Variants in BAHD1 observed in about 807,000 individuals in gnomAD.
The protein encoded by BAHD1 is bromo adjacent homology domain containing 1.
BAHD1 carries 20 observed loss-of-function variants against 63.1 expected under a neutral mutation model. That is an observed-to-expected ratio of 0.32 (90% confidence interval 0.22 to 0.46). The LOEUF is 0.46. BAHD1 is among the 20% of genes least tolerant of loss of function. The pLI is 1.00. For missense variants in BAHD1, 939 were observed against 1,071.8 expected (o/e 0.88, Z 1.73); for synonymous variants, 408 against 426.8 (o/e 0.96, Z 0.54).
intron 1 of BAHD1, chr15:40,453,604 G>A (rs1260681313): frequency 6.6e-6 from 1 of 152,122 alleles, no homozygotes; most frequent in East Asian, 1.9e-4. Context: ...CCCTCACCCA[G>A]ATGACCTGAT....
chr15:40,456,597 G>A (rs1167132636), intron 1 of BAHD1, among the ~76,000 whole-genome samples: 2 of 152,244 alleles, frequency 1.3e-5, no homozygotes, highest in East Asian at 3.8e-4. Context: ...AATTAATGCA[G>A]CATATCTCTG....
chr15:40,444,824 T>C (rs1566958127), intron 1 of BAHD1, among the ~76,000 whole-genome samples: 2 of 152,110 alleles, frequency 1.3e-5, no homozygotes, highest in Admixed American at 6.5e-5. Flanking sequence ...TGAAAAAATA[T>C]ATTCTGCATC....
At chr15:40,463,780 G>A (rs1894120398) in intron 3 of BAHD1, 81 bp from the exon 4 acceptor site, 24 of 1,497,240 alleles carry the variant, frequency 1.6e-5, no homozygotes, top group Non-Finnish European at 2.1e-5. Flanking sequence ...GGAAATCGTG[G>A]AAAGGATGTC....
intron 4 of BAHD1, 23 bp downstream of exon 4, chr15:40,464,043 A>T: frequency 1.2e-6 from 2 of 1,612,388 alleles, no homozygotes; most frequent in South Asian, 2.2e-5. Flanking sequence ...CTGGCTGGGG[A>T]CCCAAGGGGC....
chr15:40,449,883 G>A (rs1459866826), intron 1 of BAHD1, among the ~76,000 whole-genome samples: 1 of 151,110 alleles, frequency 6.6e-6, no homozygotes, highest in African/African-American at 2.4e-5. Flanking sequence ...GAAAATACAA[G>A]AGATTTCCTA....
At chr15:40,460,016 G>A in intron 2 of BAHD1, 120 bp downstream of exon 2, 1 of 1,289,754 alleles carries the variant, frequency 7.8e-7, no homozygotes, top group South Asian at 1.6e-5. Context: ...TGGAAGGTAG[G>A]GGGCTTTCAG....
rs919236194 is a variant in BAHD1 at position 40,464,680 on chromosome 15, G to C, written c.2052+133G>C. 8.5e-5 allele frequency: 60 copies of C among 705,934 alleles called. No homozygotes were observed. The Admixed American group carries it at 1.4e-3, about 16-fold the overall frequency. 43.7% of individuals were successfully genotyped at this position (705,934 alleles called of 1,614,324 possible). ...TGCGCTTGTCACTTTGGACTCCAGAGAACCTGGGAAAGGGCCCAGGATTTA... is the reference window on the plus strand; with the variant it reads ...TGCGCTTGTCACTTTGGACTCCAGACAACCTGGGAAAGGGCCCAGGATTTA... On this transcript the variant is annotated intron_variant, in intron 5 of 6. Coordinates refer to ENST00000416165, the MANE Select transcript of BAHD1 (RefSeq NM_014952.5).
chr15:40,447,813 G>GTA (rs1893586421), intron 1 of BAHD1, among the ~76,000 whole-genome samples: 1 of 152,108 alleles, frequency 6.6e-6, no homozygotes, highest in Non-Finnish European at 1.5e-5. Flanking sequence ...GAGACAAGAG[G>GTA]TATTGGGTAG....
chr15:40,455,282 G>A (rs943967921), intron 1 of BAHD1, among the ~76,000 whole-genome samples: 3 of 152,190 alleles, frequency 2.0e-5, no homozygotes, highest in African/African-American at 4.8e-5. Context: ...TCCTGGGATC[G>A]TCAGCACCCT....
chr15:40,440,292 C>T (rs1395315666), upstream of BAHD1, among the ~76,000 whole-genome samples: 1 of 152,176 alleles, frequency 6.6e-6, no homozygotes, highest in Middle Eastern at 3.4e-3. Context: ...GGAAAGGAGA[C>T]GTGGCAGGCA....
At chr15:40,450,925 G>T (rs539672889) in intron 1 of BAHD1, among the ~76,000 whole-genome samples, 3 of 152,182 alleles carry the variant, frequency 2.0e-5, no homozygotes, top group African/African-American at 7.2e-5. Flanking sequence ...ATCCCTTGAG[G>T]TCAGGAGTTT....
intron 2 of BAHD1, among the ~76,000 whole-genome samples, chr15:40,461,678 A>G (rs892213029): frequency 2.6e-5 from 4 of 152,170 alleles, no homozygotes; most frequent in South Asian, 2.1e-4. Flanking sequence ...GGATGTTCCA[A>G]CCACCTCTCT....
intron 2 of BAHD1, among the ~76,000 whole-genome samples, chr15:40,461,670 A>T (rs1224155711): frequency 1.3e-5 from 2 of 151,872 alleles, no homozygotes; most frequent in Non-Finnish European, 2.9e-5. Flanking sequence ...GTTAAAAAGG[A>T]TGTTCCAACC....
chr15:40,441,484 C>T (rs930446759), intron 1 of BAHD1, among the ~76,000 whole-genome samples: 4 of 151,116 alleles, frequency 2.6e-5, no homozygotes, highest in Non-Finnish European at 4.4e-5. Context: ...CACCTCCCTC[C>T]CCTGGGTCCG....
At chr15:40,456,902 G>A (rs1450026041) in intron 1 of BAHD1, among the ~76,000 whole-genome samples, 1 of 152,226 alleles carries the variant, frequency 6.6e-6, no homozygotes. Flanking sequence ...TTGAATGGTA[G>A]GAAGTGAACA....
At chr15:40,445,265 A>AAAC (rs1555408415) in intron 1 of BAHD1, among the ~76,000 whole-genome samples, 3 of 151,388 alleles carry the variant, frequency 2.0e-5, no homozygotes, top group Non-Finnish European at 2.9e-5. Flanking sequence ...GTAAAAAAAA[A>AAAC]AAAAAAAAAA....
Position 40,459,182 on chromosome 15 carries a change from C to T in BAHD1, c.718C>T (p.Pro240Ser), listed in dbSNP as rs137889089. The change falls in exon 2 of 7, where the codon CCA becomes TCA. Residue 240 changes from proline to serine, a missense_variant. Pro to Ser is a moderately conservative substitution (Grantham distance 74). Coordinates refer to ENST00000416165, the MANE Select transcript of BAHD1 (RefSeq NM_014952.5). ...AGTAGATGGGCGCTCCACTGAGCCC[C>T]CAGCACCCAAGGCCCCGAGGCCAAA... is the stretch of plus-strand genomic sequence containing the variant. ...AEVDGRSTEP[P>S]APKAPRPKWP... The T allele has an allele frequency of 1.1e-5, 18 of 1,612,696 alleles. No homozygotes were observed. The highest frequency in any genetic ancestry group is 1.5e-5 in the Non-Finnish European group (18 of 1,179,706).
In BAHD1 at chr15:40,458,220, C is replaced by A. The variant is rs958473949; in HGVS notation, c.-14-231C>A. ...TCTTCAGGGGCTTAGTTCAGAGATA[C>A]CCTAGGCTAAAAGGAAAGAGGAGGA... On this transcript the variant is annotated intron_variant, in intron 1 of 6. Transcript: ENST00000416165. The surrounding 1 kb of genome is among the most constrained non-coding windows in gnomAD (Gnocchi z 4.7). 1.3e-5 allele frequency among the ~76,000 whole-genome samples: 2 copies of A among 152,242 alleles called. No homozygotes were observed. Among genetic ancestry groups the A allele is most frequent in the East Asian group, 1.9e-4 (1 of 5,184 alleles).
In BAHD1 at chr15:40,458,049, C is replaced by T. The variant is rs1409418674; in HGVS notation, c.-14-402C>T. Among the ~76,000 whole-genome samples the T allele has an allele frequency of 6.6e-6, 1 of 152,144 alleles. No individual in the cohort carries two copies. The highest frequency in any genetic ancestry group is 1.5e-5 in the Non-Finnish European group (1 of 68,026). On this transcript the variant is annotated intron_variant, in intron 1 of 6. Coordinates refer to ENST00000416165, the MANE Select transcript of BAHD1 (RefSeq NM_014952.5). The surrounding 1 kb of genome is among the most constrained non-coding windows in gnomAD (Gnocchi z 4.7). ...AATAAATGGACTTCTACCACCCAGT[C>T]CCCCATCTTGGGAGGCTCTGTCTTC...
Sources: allele counts gnomAD v4.1 joint callset (sites outside exome capture counted in the v4.1 genomes callset), GRCh38; gene constraint gnomAD v4.1.1; non-coding constraint Gnocchi (gnomAD v3.1); transcripts MANE v1.5; gene names NCBI Gene and HGNC (gene_info 2026-07-23, HGNC 2026-07-21).